ZFHX3: variants seen among roughly 807,000 people sequenced by gnomAD.
ZFHX3 encodes the protein zinc finger homeobox protein 3.
In ZFHX3, 42 loss-of-function variants were observed where a neutral mutation model predicts 279.1. The observed-to-expected ratio is 0.15, with a 90% CI of 0.12 to 0.19. ZFHX3 has a LOEUF of 0.19. Ranked by LOEUF, ZFHX3 falls within the 10% of genes least tolerant of loss-of-function variation. The pLI, the probability that ZFHX3 is intolerant of heterozygous loss-of-function variation, is 1.00. For missense variants in ZFHX3, 4,981 were observed against 4,754.0 expected, an observed-to-expected ratio of 1.05 and a Z score of -1.40; for synonymous variants, 2,293 against 1,957.8, an observed-to-expected ratio of 1.17 and a Z score of -4.52.
At position 73,302,946 on chromosome 16, in the gene ZFHX3, A is replaced by G. The variant is rs2015091219; in HGVS notation, c.-1194+15294T>C. 2.0e-5 allele frequency among the ~76,000 whole-genome samples: 3 copies of G among 152,310 alleles called. No individual in the cohort carries two copies. In the South Asian group the frequency reaches 6.2e-4, roughly 32 times the overall value. On this transcript the variant is annotated intron_variant, in intron 4 of 17. Transcript: ENST00000641206. ...GGCAGGTGTTTACATTTTTAAAATCATGGATGGGAGAGATCAACAGAGTAT... is the reference window on the plus strand; with the variant it reads ...GGCAGGTGTTTACATTTTTAAAATCGTGGATGGGAGAGATCAACAGAGTAT...
intron 1 of ZFHX3, among the ~76,000 whole-genome samples, chr16:73,055,063 T>A (rs866563263): frequency 6.6e-6 from 1 of 151,056 alleles, no homozygotes; most frequent in South Asian, 2.1e-4. Context: ...AAAAGGCAGC[T>A]TTATGTGGGA....
intron 2 of ZFHX3, chr16:73,543,873 AGAGCGAGAGAGG>A (rs1270869281): frequency 6.9e-6 from 1 of 144,522 alleles, no homozygotes; most frequent in African/African-American, 2.8e-5. Flanking sequence ...AGGGAGAGAG[AGAGCGAGAGAGG>A]GAGAGAGAGA....
intron 2 of ZFHX3, among the ~76,000 whole-genome samples, chr16:73,594,307 T>C (rs1248322743): frequency 1.3e-5 from 2 of 151,988 alleles, no homozygotes; most frequent in Non-Finnish European, 2.9e-5. Context: ...TTGGAATAAG[T>C]TAAAAGATCT....
intron 1 of ZFHX3, among the ~76,000 whole-genome samples, chr16:73,689,217 T>G (rs1330367191): frequency 6.6e-6 from 1 of 152,172 alleles, no homozygotes; most frequent in Non-Finnish European, 1.5e-5. Flanking sequence ...TCTAGTTACG[T>G]GAAACCTCTA....
chr16:73,502,384 T>C (rs1490745900), intron 2 of ZFHX3, among the ~76,000 whole-genome samples: 1 of 152,224 alleles, frequency 6.6e-6, no homozygotes, highest in East Asian at 1.9e-4. Flanking sequence ...CGTCATGCTG[T>C]CCTTGTAACT....
At chr16:73,012,063 C>T (rs1175595364) in intron 1 of ZFHX3, among the ~76,000 whole-genome samples, 1 of 152,204 alleles carries the variant, frequency 6.6e-6, no homozygotes, top group Non-Finnish European at 1.5e-5. Context: ...ACATTACAGT[C>T]AAATGTCACA....
At position 73,654,682 on chromosome 16, in the gene ZFHX3, A is replaced by G. The variant is rs193003836; in HGVS notation, c.-1547+25498T>C. ...TAAATTAAACATGAGTAAATAATGT[A>G]TTTTACATTGATAGATTAAAGGAGA... On this transcript the variant is annotated intron_variant, in intron 2 of 17. Coordinates refer to the ZFHX3 transcript ENST00000641206. Among the ~76,000 whole-genome samples the G allele has an allele frequency of 4.8e-3, 730 of 152,180 alleles. 3 individuals are homozygous for G. The highest frequency in any genetic ancestry group is 0.031 in the Middle Eastern group (9 of 294).
chr16:72,972,141 C>T (rs1341614603), intron 1 of ZFHX3, among the ~76,000 whole-genome samples: 3 of 152,124 alleles, frequency 2.0e-5, no homozygotes. Flanking sequence ...GATCCACCCA[C>T]CTCGGCCACC....
intron 3 of ZFHX3, among the ~76,000 whole-genome samples, chr16:73,383,776 G>C (rs2016854610): frequency 1.3e-5 from 2 of 152,218 alleles, no homozygotes; most frequent in Non-Finnish European, 2.9e-5. Flanking sequence ...GACTGAGCCT[G>C]TGTCTGGTTT....
At chr16:73,273,770 T>C (rs557534901) in intron 4 of ZFHX3, among the ~76,000 whole-genome samples, 5 of 152,230 alleles carry the variant, frequency 3.3e-5, no homozygotes, top group Non-Finnish European at 5.9e-5. Context: ...GGAGTGTCTC[T>C]GTATAGGTAT....
chr16:73,703,470 A>G (rs1029092124), intron 1 of ZFHX3, among the ~76,000 whole-genome samples: 2 of 151,838 alleles, frequency 1.3e-5, no homozygotes, highest in Non-Finnish European at 2.9e-5. Context: ...TAGGAATTGA[A>G]TTCCACAATG....
intron 6 of ZFHX3, among the ~76,000 whole-genome samples, chr16:73,138,787 A>G (rs1966836170): frequency 6.6e-6 from 1 of 152,082 alleles, no homozygotes; most frequent in Non-Finnish European, 1.5e-5. Flanking sequence ...GCCCAGGCTC[A>G]AGTGATCCTC....
chr16:73,722,240 G>A (rs961400693), intron 1 of ZFHX3, among the ~76,000 whole-genome samples: 3 of 152,098 alleles, frequency 2.0e-5, no homozygotes. Context: ...TTCTGTTCTG[G>A]ACAGATTCAA....
At chr16:72,995,145 G>A (rs1287337328) in intron 1 of ZFHX3, among the ~76,000 whole-genome samples, 1 of 152,180 alleles carries the variant, frequency 6.6e-6, no homozygotes, top group Non-Finnish European at 1.5e-5. Context: ...ATGGGATGGT[G>A]AAATTAACAC....
intron 3 of ZFHX3, among the ~76,000 whole-genome samples, chr16:73,424,753 C>CAAAAAAAAAAAAA (rs71156163): frequency 1.0e-5 from 1 of 95,820 alleles, no homozygotes; most frequent in Non-Finnish European, 1.9e-5. Context: ...TACCCTGTGT[C>CAAAAAAAAAAAAA]AAAAAAAAAA....
chr16:72,906,517 C>T (rs2039176636), intron 3 of ZFHX3, among the ~76,000 whole-genome samples: 1 of 152,068 alleles, frequency 6.6e-6, no homozygotes, highest in African/African-American at 2.4e-5. Context: ...AAAAGCTGGC[C>T]GGGCATGGTG....
intron 1 of ZFHX3, among the ~76,000 whole-genome samples, chr16:73,699,792 T>C (rs2053230223): frequency 6.6e-6 from 1 of 152,186 alleles, no homozygotes; most frequent in South Asian, 2.1e-4. Context: ...ACCCTGCCTG[T>C]ACAACAATGT....
At chr16:73,577,075 T>C (rs1163624785) in intron 2 of ZFHX3, among the ~76,000 whole-genome samples, 2 of 152,206 alleles carry the variant, frequency 1.3e-5, no homozygotes, top group African/African-American at 2.4e-5. Flanking sequence ...AAAATTTTAC[T>C]GGCTCTGCTT....
chr16:73,791,209 C>A (rs1022442482), intron 1 of ZFHX3, among the ~76,000 whole-genome samples: 2 of 151,962 alleles, frequency 1.3e-5, no homozygotes, highest in Non-Finnish European at 2.9e-5. Context: ...AAGCAATCCT[C>A]CTGCCTCAGC....
Sources: gnomAD v4.1 joint callset for allele counts (sites outside exome capture counted in the v4.1 genomes callset) on GRCh38, gnomAD v4.1.1 for gene constraint, MANE v1.5 for transcripts, NCBI Gene and HGNC (gene_info 2026-07-23, HGNC 2026-07-21) for gene names.